The following L3MBTL3 variants were observed in gnomAD, a reference collection of about 807,000 sequenced individuals.
L3MBTL3 encodes L3MBTL histone methyl-lysine binding protein 3.
Under a neutral mutation model 102.3 loss-of-function variants are expected in L3MBTL3, and 27 were observed. The observed-to-expected ratio is 0.26, with a 90% confidence interval of 0.19 to 0.36. The LOEUF is 0.36. Ranked by LOEUF, L3MBTL3 falls within the 10% of genes least tolerant of loss-of-function variation. The probability of loss-of-function intolerance (pLI) is 1.00; values close to 1 mark genes in which losing one functional copy is unlikely to be tolerated. For missense variants in L3MBTL3, 798 were observed against 955.3 expected, an observed-to-expected ratio of 0.84 and a Z score of 2.17; for synonymous variants, 340 against 320.9, an observed-to-expected ratio of 1.06 and a Z score of -0.64.
At chr6:130,111,870 C>T (rs1005964660) in intron 19 of L3MBTL3, among the ~76,000 whole-genome samples, 1 of 152,168 alleles carries the variant, frequency 6.6e-6, no homozygotes, top group African/African-American at 2.4e-5. Context: ...CAATGACTTC[C>T]CGTTATTCTT....
chr6:130,026,836 G>A (rs892072947), intron 2 of L3MBTL3, among the ~76,000 whole-genome samples: 5 of 152,002 alleles, frequency 3.3e-5, no homozygotes, highest in African/African-American at 9.7e-5. Context: ...TGAAAGAATG[G>A]GACCTGCATC....
intron 2 of L3MBTL3, among the ~76,000 whole-genome samples, chr6:130,039,759 C>G (rs1384436256): frequency 6.6e-6 from 1 of 152,046 alleles, no homozygotes; most frequent in Non-Finnish European, 1.5e-5. Context: ...TCTTTAATGT[C>G]TAATTTAATA....
At chr6:130,051,804 C>T (rs1048968480) in intron 6 of L3MBTL3, among the ~76,000 whole-genome samples, 11 of 152,204 alleles carry the variant, frequency 7.2e-5, no homozygotes, top group Non-Finnish European at 1.3e-4. Flanking sequence ...ACTCCACCTA[C>T]GGCATAAAGC....
chr6:130,123,876 T>C (rs941153685), intron 20 of L3MBTL3, among the ~76,000 whole-genome samples: 77 of 152,280 alleles, frequency 5.1e-4, no homozygotes, highest in South Asian at 6.2e-4. Context: ...TCTCGGAGCC[T>C]AGTCAGTGGG....
At chr6:130,115,422 TAA>T (rs1280686795) in intron 19 of L3MBTL3, among the ~76,000 whole-genome samples, 16 of 152,216 alleles carry the variant, frequency 1.1e-4, no homozygotes, top group Admixed American at 9.8e-4. Flanking sequence ...CGGAAATCGA[TAA>T]ATCCCTAAAT....
chr6:130,112,364 G>T (rs558312442), intron 19 of L3MBTL3, among the ~76,000 whole-genome samples: 1 of 152,296 alleles, frequency 6.6e-6, no homozygotes, highest in South Asian at 2.1e-4. Flanking sequence ...GGCAATAGCT[G>T]TATAACATTT....
rs1788156029 is a variant in L3MBTL3 at position 130,140,256 on chromosome 6, T to A, written c.*503T>A. On this transcript the variant is annotated 3_prime_UTR_variant, in exon 23 of 23. Coordinates refer to ENST00000361794, the MANE Select transcript of L3MBTL3 (RefSeq NM_032438.4). ...GTTAATTTTGTGCCATATTTTGAAT[T>A]GCAACATTATGCTAAGTATAACTTT... 1 of 153,712 alleles carries A rather than the reference T, an allele frequency of 6.5e-6. No homozygotes were observed. Among genetic ancestry groups the A allele is most frequent in the Non-Finnish European group, 1.5e-5 (1 of 68,838 alleles). The allele number at this position is 153,712 out of a possible 1,614,324, so 9.5% of individuals were successfully genotyped here. A position where few individuals can be genotyped will look rare whatever the true frequency, so the allele number is the denominator to read the frequency against.
chr6:130,036,983 G>A (rs760853851), intron 2 of L3MBTL3, among the ~76,000 whole-genome samples: 3 of 152,138 alleles, frequency 2.0e-5, no homozygotes, highest in Non-Finnish European at 2.9e-5. Flanking sequence ...GGTTTTGGTT[G>A]AGTTACCAAA....
rs1203196054 is a variant in L3MBTL3 at position 130,042,676 on chromosome 6, C to G, written c.-15-9C>G. 2 of 1,506,034 alleles carry G rather than the reference C, an allele frequency of 1.3e-6. No individual in the cohort carries two copies. Among genetic ancestry groups the G allele is most frequent in the East Asian group, 4.5e-5 (2 of 44,234 alleles). The allele number at this position is 1,506,034 out of a possible 1,614,324, so 93.3% of individuals were successfully genotyped here. A position where few individuals can be genotyped will look rare whatever the true frequency, so the allele number is the denominator to read the frequency against. On this transcript the variant is annotated splice_polypyrimidine_tract_variant and intron_variant, in intron 2 of 22. Coordinates refer to ENST00000361794, the MANE Select transcript of L3MBTL3 (RefSeq NM_032438.4). Reference sequence around the variant, plus strand: ...ATATTTAGTGATATGCCTTCTTTTCCCCTTTCAGGTTAAAAAATAAATCAT... The same window carrying G: ...ATATTTAGTGATATGCCTTCTTTTCGCCTTTCAGGTTAAAAAATAAATCAT...
intron 16 of L3MBTL3, among the ~76,000 whole-genome samples, chr6:130,089,255 C>A (rs1441452951): frequency 1.3e-5 from 2 of 150,096 alleles, no homozygotes; most frequent in Non-Finnish European, 1.5e-5. Flanking sequence ...TGTGATGTTC[C>A]CCGCCCTGTG....
intron 2 of L3MBTL3, among the ~76,000 whole-genome samples, chr6:130,031,434 T>C (rs138124516): frequency 6.6e-6 from 1 of 152,374 alleles, no homozygotes; most frequent in East Asian, 1.9e-4. Flanking sequence ...GCTAAGTGAC[T>C]CTGGGAAACT....
chr6:130,057,879 C>T (rs547106590), intron 9 of L3MBTL3, among the ~76,000 whole-genome samples: 1 of 151,634 alleles, frequency 6.6e-6, no homozygotes, highest in South Asian at 2.1e-4. Flanking sequence ...CGCGGTGGCT[C>T]ACGCCTGTAA....
In L3MBTL3 at chr6:130,135,210, G is replaced by A. The variant is rs548233283; in HGVS notation, c.2199+1305G>A. 2.6e-5 allele frequency among the ~76,000 whole-genome samples: 4 copies of A among 151,348 alleles called. No homozygotes were observed. In the East Asian group the frequency reaches 7.8e-4, roughly 30 times the overall value. On this transcript the variant is annotated intron_variant, in intron 22 of 22. Transcript: ENST00000361794. ...TGAGTAGCTGGGATTACAGGTGCCC[G>A]CCACCACGCTCGGCTAATTTTTTTT...
At chr6:130,105,975 A>G (rs1462716202) in intron 19 of L3MBTL3, among the ~76,000 whole-genome samples, 1 of 152,118 alleles carries the variant, frequency 6.6e-6, no homozygotes, top group East Asian at 1.9e-4. Context: ...TAATGAGTCT[A>G]ACCGTTTCGG....
intron 2 of L3MBTL3, 97 bp from the exon 3 acceptor site, chr6:130,042,588 A>G (rs1430529320): frequency 1.5e-6 from 1 of 670,980 alleles, no homozygotes; most frequent in African/African-American, 1.8e-5. Flanking sequence ...TGATCAAGAA[A>G]ATTATGTAAT....
rs374149544 is a variant in L3MBTL3 at position 130,083,718 on chromosome 6, A to G, written c.1407+13A>G. 9 of 1,354,062 alleles carry G rather than the reference A, an allele frequency of 6.6e-6. No homozygotes were observed. In the African/African-American group the frequency reaches 1.2e-4, roughly 18 times the overall value. The allele number at this position is 1,354,062 out of a possible 1,614,324, so 83.9% of individuals were successfully genotyped here. A position where few individuals can be genotyped will look rare whatever the true frequency, so the allele number is the denominator to read the frequency against. On this transcript the variant is annotated intron_variant, in intron 15 of 22. Transcript: ENST00000361794. ...AGCTTTCAAAGTGGTAAGATGATACATTTTATTAATTTGCGTGGATGAGAT... is the reference window on the plus strand; with the variant it reads ...AGCTTTCAAAGTGGTAAGATGATACGTTTTATTAATTTGCGTGGATGAGAT...
At chr6:130,046,982 C>T (rs1448631797) in intron 3 of L3MBTL3, among the ~76,000 whole-genome samples, 1 of 152,120 alleles carries the variant, frequency 6.6e-6, no homozygotes, top group East Asian at 1.9e-4. Context: ...ACAGTAAGCC[C>T]AAATTGAGAA....
Position 130,057,560 on chromosome 6 carries a change from AC to A in L3MBTL3, c.759+64del, listed in dbSNP as rs1199894431. The A allele has an allele frequency of 1.0e-5, 13 of 1,271,944 alleles. No individual in the cohort carries two copies. The East Asian group carries it at 3.2e-4, about 31-fold the overall frequency. The allele number at this position is 1,271,944 out of a possible 1,614,324, so 78.8% of individuals were successfully genotyped here. On this transcript the variant is annotated intron_variant, in intron 9 of 22. Transcript: ENST00000361794. Reference sequence around the variant, plus strand: ...AGGAGCTGGGATACCAGCCTGAATTACGATTGTTGTTTCCACTGAAATTTGA... The same window carrying A: ...AGGAGCTGGGATACCAGCCTGAATTAGATTGTTGTTTCCACTGAAATTTGA...
chr6:130,070,996 T>C lies in L3MBTL3; in HGVS notation c.1113T>C (p.Phe371=). 1 of 1,613,364 alleles carries C rather than the reference T, an allele frequency of 6.2e-7. No individual in the cohort carries two copies. The highest frequency in any genetic ancestry group is 8.5e-7 in the Non-Finnish European group (1 of 1,179,572). Residue 371 remains phenylalanine, a synonymous_variant, in exon 13 of 23, where the codon TTT becomes TTC. Coordinates refer to ENST00000361794, the MANE Select transcript of L3MBTL3 (RefSeq NM_032438.4). The stretch of plus-strand genomic sequence containing the variant: ...CATAGACAGTGATCCCATCGGGCTT[T>C]CGAGTTGGTATGAAGCTTGAGGCAG... The part of the protein sequence containing the change: ...NQNITVIPSG[F]RVGMKLEAVD...
Sources: allele counts gnomAD v4.1 joint callset (sites outside exome capture counted in the v4.1 genomes callset), GRCh38; gene constraint gnomAD v4.1.1; transcripts MANE v1.5; gene names NCBI Gene and HGNC (gene_info 2026-07-23, HGNC 2026-07-21).